Variants in MOXD1 observed in about 807,000 individuals in gnomAD.
The protein encoded by MOXD1 is DBH-like monooxygenase protein 1.
A neutral mutation model predicts 66.6 loss-of-function variants in MOXD1; 62 were observed. The observed-to-expected ratio is 0.93, with a 90% confidence interval of 0.76 to 1.15. The LOEUF (loss-of-function observed/expected upper bound fraction) is 1.15. Among genes scored for constraint, MOXD1 ranks in the 50% most tolerant of loss-of-function variants. The pLI is 0.00. For missense variants in MOXD1, 847 were observed against 754.6 expected (o/e 1.12, Z -1.44); for synonymous variants, 303 against 281.9 (o/e 1.07, Z -0.75).
intron 1 of MOXD1, among the ~76,000 whole-genome samples, chr6:132,397,629 AG>A (rs1776916020): frequency 2.3e-5 from 3 of 129,090 alleles, no homozygotes; most frequent in South Asian, 2.4e-4. Context: ...AGAGAGAGAG[AG>A]AGAGACAGAA....
chr6:132,330,351 T>G (rs1019201163), intron 4 of MOXD1, among the ~76,000 whole-genome samples: 1 of 152,176 alleles, frequency 6.6e-6, no homozygotes, highest in African/African-American at 2.4e-5. Context: ...GTGCGAATCT[T>G]ATTATGAACT....
intron 4 of MOXD1, among the ~76,000 whole-genome samples, chr6:132,329,573 A>T (rs980074833): frequency 6.6e-6 from 1 of 152,028 alleles, no homozygotes; most frequent in Non-Finnish European, 1.5e-5. Flanking sequence ...GAGAGGTGAG[A>T]TCTCATTTAT....
chr6:132,369,597 T>C (rs983240995), intron 4 of MOXD1, among the ~76,000 whole-genome samples: 1 of 151,976 alleles, frequency 6.6e-6, no homozygotes. Flanking sequence ...GGTGCATTGT[T>C]AAAGAAAATA....
At chr6:132,354,270 C>T (rs1775865210) in intron 4 of MOXD1, among the ~76,000 whole-genome samples, 1 of 152,194 alleles carries the variant, frequency 6.6e-6, no homozygotes, top group African/African-American at 2.4e-5. Context: ...GGTTCCTTCT[C>T]ATTTGGGTAG....
At chr6:132,359,951 C>T (rs1775984462) in intron 4 of MOXD1, among the ~76,000 whole-genome samples, 1 of 152,152 alleles carries the variant, frequency 6.6e-6, no homozygotes, top group Admixed American at 6.5e-5. Flanking sequence ...ATCAAAAAAT[C>T]CATTTATCCT....
chr6:132,303,027 C>G (rs1368405164), intron 10 of MOXD1, among the ~76,000 whole-genome samples: 2 of 152,098 alleles, frequency 1.3e-5, no homozygotes, highest in Non-Finnish European at 2.9e-5. Flanking sequence ...CCTTACACTA[C>G]ACACAAAAAT....
chr6:132,314,866 A>G (rs546590953), intron 10 of MOXD1, among the ~76,000 whole-genome samples: 25 of 152,178 alleles, frequency 1.6e-4, no homozygotes, highest in African/African-American at 5.5e-4. Context: ...GAAAATATGA[A>G]TCTTGTTTAT....
chr6:132,369,410 T>G (rs963015808), intron 4 of MOXD1, among the ~76,000 whole-genome samples: 1 of 152,052 alleles, frequency 6.6e-6, no homozygotes, highest in African/African-American at 2.4e-5. Context: ...ATGAATTTCT[T>G]TTTCCTTCTT....
At chr6:132,387,339 G>T (rs1339065687) in intron 1 of MOXD1, among the ~76,000 whole-genome samples, 1 of 151,340 alleles carries the variant, frequency 6.6e-6, no homozygotes, top group Non-Finnish European at 1.5e-5. Flanking sequence ...TTTTTTAACA[G>T]AGTTGTTGAA....
intron 1 of MOXD1, among the ~76,000 whole-genome samples, chr6:132,398,666 G>A (rs558276198): frequency 3.3e-5 from 5 of 152,048 alleles, no homozygotes; most frequent in African/African-American, 4.8e-5. Context: ...ATGGCCTGGC[G>A]TGGTGGCTCA....
At chr6:132,303,702 T>TACAC (rs1392220169) in intron 10 of MOXD1, among the ~76,000 whole-genome samples, 6 of 72,192 alleles carry the variant, frequency 8.3e-5, no homozygotes, top group African/African-American at 6.8e-4. Flanking sequence ...GGGCTGACTG[T>TACAC]ATACATACAC....
chr6:132,325,064 C>A (rs761692268), intron 6 of MOXD1: 1 of 151,882 alleles, frequency 6.6e-6, no homozygotes, highest in Non-Finnish European at 1.5e-5. Flanking sequence ...CAATAATTAT[C>A]CCAGGAAATT....
chr6:132,373,797 A>C (rs572778719), intron 2 of MOXD1, among the ~76,000 whole-genome samples: 18 of 152,238 alleles, frequency 1.2e-4, no homozygotes, highest in Non-Finnish European at 1.9e-4. Context: ...ATAACGCAAA[A>C]GTATTTTAAA....
chr6:132,366,656 C>CA (rs1776147800), intron 4 of MOXD1, among the ~76,000 whole-genome samples: 1 of 152,184 alleles, frequency 6.6e-6, no homozygotes, highest in African/African-American at 2.4e-5. Context: ...AATTTAACCC[C>CA]AAAGACTTAC....
At chr6:132,378,372 C>A (rs556905101) in intron 1 of MOXD1, among the ~76,000 whole-genome samples, 1 of 152,238 alleles carries the variant, frequency 6.6e-6, no homozygotes, top group East Asian at 1.9e-4. Context: ...AATTTCCCCA[C>A]CCTCAGCTTA....
chr6:132,343,902 A>G (rs1172886820), intron 4 of MOXD1, among the ~76,000 whole-genome samples: 3 of 152,200 alleles, frequency 2.0e-5, no homozygotes, highest in Non-Finnish European at 4.4e-5. Context: ...ATTAAAAGCA[A>G]GTGTCAAAAT....
In MOXD1 at chr6:132,315,625, T is replaced by C. The variant is rs1240036878; in HGVS notation, c.1508+10A>G. On this transcript the variant is annotated intron_variant, in intron 10 of 11. Transcript: ENST00000367963. ...ACGTTACCCCATCATAAAATACATT[T>C]ACTACTTACGTGACTGGTCTGTAGA... 3 of 1,602,752 alleles carry C rather than the reference T, an allele frequency of 1.9e-6. No homozygotes were observed. The highest frequency in any genetic ancestry group is 2.3e-5 in the South Asian group (2 of 88,748).
chr6:132,325,234 C>T (rs1775162852), intron 6 of MOXD1: 1 of 152,146 alleles, frequency 6.6e-6, no homozygotes. Flanking sequence ...TGTGATGTGA[C>T]AATTAAGGAC....
rs147717864 is a variant in MOXD1, at chr6:132,393,390, G to T, written c.264+7773C>A. On this transcript the variant is annotated intron_variant, in intron 1 of 11. Transcript: ENST00000367963. Reference sequence around the variant, plus strand: ...AGAGAGAATACTGGAATTCAACAGAGAAGTGATGGGAAGCACTGAAAGCAA... The same window carrying T: ...AGAGAGAATACTGGAATTCAACAGATAAGTGATGGGAAGCACTGAAAGCAA... Among the ~76,000 whole-genome samples, 7 of 152,304 alleles carry T rather than the reference G, an allele frequency of 4.6e-5. No homozygotes were observed. The East Asian group carries it at 1.2e-3, about 25-fold the overall frequency.
Sources: allele counts gnomAD v4.1 joint callset (sites outside exome capture counted in the v4.1 genomes callset), GRCh38; gene constraint gnomAD v4.1.1; transcripts MANE v1.5; gene names NCBI Gene and HGNC (gene_info 2026-07-23, HGNC 2026-07-21).